MBNL1: variants seen among roughly 807,000 people sequenced by gnomAD.
MBNL1 encodes the protein muscleblind-like protein 1.
In MBNL1, 8 loss-of-function variants were observed where a neutral mutation model predicts 42.2. That is an observed-to-expected ratio of 0.19 (90% confidence interval 0.11 to 0.34). The LOEUF (loss-of-function observed/expected upper bound fraction) is 0.34, where lower values mean the gene tolerates loss of function less well. Among genes scored for constraint, MBNL1 ranks in the 10% least tolerant of loss-of-function variants. MBNL1 has a pLI of 1.00. For missense variants in MBNL1, 309 were observed against 495.3 expected (o/e 0.62, Z 3.57); for synonymous variants, 169 against 173.9 (o/e 0.97, Z 0.22).
chr3:152,416,480 A>G (rs1317449154), intron 3 of MBNL1, among the ~76,000 whole-genome samples: 1 of 152,244 alleles, frequency 6.6e-6, no homozygotes, highest in Non-Finnish European at 1.5e-5. Flanking sequence ...ATGTAGGACA[A>G]AAGTCTCATT....
chr3:152,426,166 G>T (rs1470006081), intron 3 of MBNL1, among the ~76,000 whole-genome samples: 3 of 151,678 alleles, frequency 2.0e-5, no homozygotes, highest in South Asian at 4.2e-4. Context: ...TGTGGGCACG[G>T]GGGGGGAACA....
At chr3:152,318,216 G>A (rs2073538294) in intron 2 of MBNL1, among the ~76,000 whole-genome samples, 1 of 152,156 alleles carries the variant, frequency 6.6e-6, no homozygotes, top group South Asian at 2.1e-4. Context: ...CTTAGTGACT[G>A]TTCTAGAGAA....
At chr3:152,459,371 T>C (rs751956967) in intron 9 of MBNL1, 26 bp downstream of exon 9, 1 of 1,340,388 alleles carries the variant, frequency 7.5e-7, no homozygotes. Context: ...AATATATAGT[T>C]GCATATTTGT....
At chr3:152,292,496 G>A (rs1577252704) in intron 1 of MBNL1, among the ~76,000 whole-genome samples, 2 of 152,144 alleles carry the variant, frequency 1.3e-5, no homozygotes, top group South Asian at 4.1e-4. Context: ...AGACTGCTTC[G>A]ACAGAGCTTA....
chr3:152,423,883 C>G (rs2098846645), intron 3 of MBNL1, among the ~76,000 whole-genome samples: 1 of 152,148 alleles, frequency 6.6e-6, no homozygotes, highest in East Asian at 1.9e-4. Flanking sequence ...AATTCAACAT[C>G]CCTTCATGCT....
chr3:152,446,532 C>T (rs2099229132), intron 5 of MBNL1, among the ~76,000 whole-genome samples: 2 of 151,876 alleles, frequency 1.3e-5, no homozygotes, highest in Non-Finnish European at 2.9e-5. Flanking sequence ...CATGCTTAGT[C>T]TTGTTATTCG....
At chr3:152,312,109 G>A (rs549271627) in intron 2 of MBNL1, among the ~76,000 whole-genome samples, 3 of 149,602 alleles carry the variant, frequency 2.0e-5, no homozygotes, top group African/African-American at 7.4e-5. Context: ...GGAGAATGGC[G>A]TGAACCCGGG....
chr3:152,269,503 C>A (rs1444480424), intron 1 of MBNL1: 9 of 455,186 alleles, frequency 2.0e-5, no homozygotes, highest in South Asian at 1.4e-4. Context: ...CGGCGGCTCC[C>A]GCATCCCTGG....
At chr3:152,301,082 T>C (rs2151537548) in intron 2 of MBNL1, 1 of 185,966 alleles carries the variant, frequency 5.4e-6, no homozygotes, top group Admixed American at 6.5e-5. Context: ...TAGATCATGA[T>C]TTTTTTTTAT....
At chr3:152,397,232 A>G (rs188024764) in intron 2 of MBNL1, among the ~76,000 whole-genome samples, 5 of 152,248 alleles carry the variant, frequency 3.3e-5, no homozygotes, top group Non-Finnish European at 2.9e-5. Context: ...TTATACTTTA[A>G]GTTCTGGGAT....
At chr3:152,326,626 A>T (rs2080308664) in intron 2 of MBNL1, among the ~76,000 whole-genome samples, 1 of 152,026 alleles carries the variant, frequency 6.6e-6, no homozygotes, top group African/African-American at 2.4e-5. Flanking sequence ...GTCAACTTCA[A>T]AACATAGTTT....
intron 3 of MBNL1, among the ~76,000 whole-genome samples, chr3:152,429,392 G>C (rs6781693): frequency 0.13 from 19,587 of 152,186 alleles, 1,531 homozygotes; most frequent in African/African-American, 0.22. Context: ...TGATGAGGAT[G>C]TTCATTGGCA....
intron 3 of MBNL1, among the ~76,000 whole-genome samples, chr3:152,425,857 TCA>T (rs1560545160): frequency 1.3e-5 from 2 of 152,060 alleles, no homozygotes; most frequent in Non-Finnish European, 2.9e-5. Flanking sequence ...GGGTATATAC[TCA>T]GTTTTGTAAA....
intron 6 of MBNL1, among the ~76,000 whole-genome samples, chr3:152,448,034 T>A (rs1452860358): frequency 1.3e-5 from 2 of 152,202 alleles, no homozygotes; most frequent in Non-Finnish European, 2.9e-5. Context: ...TGAAATATAG[T>A]TCTCTTTTTT....
chr3:152,278,157 TTTA>T (rs1445633972), intron 1 of MBNL1, among the ~76,000 whole-genome samples: 1 of 152,168 alleles, frequency 6.6e-6, no homozygotes, highest in Non-Finnish European at 1.5e-5. Flanking sequence ...CTTTGCCTTC[TTTA>T]TTATTCTGTC....
intron 3 of MBNL1, among the ~76,000 whole-genome samples, chr3:152,428,608 G>A (rs1174310212): frequency 5.3e-5 from 8 of 152,172 alleles, no homozygotes; most frequent in Non-Finnish European, 8.8e-5. Flanking sequence ...TATCCTTAGA[G>A]ACCTTACTTA....
chr3:152,369,981 T>C (rs2096589664), intron 2 of MBNL1, among the ~76,000 whole-genome samples: 1 of 152,178 alleles, frequency 6.6e-6, no homozygotes, highest in Non-Finnish European at 1.5e-5. Context: ...TCGTTGATTG[T>C]TTTTGGTTTT....
intron 2 of MBNL1, among the ~76,000 whole-genome samples, chr3:152,258,624 A>G (rs939790063): frequency 6.6e-6 from 1 of 152,204 alleles, no homozygotes; most frequent in Non-Finnish European, 1.5e-5. Context: ...TGCCAGTGGA[A>G]ACTAGCCCAT....
chr3:152,329,036 T>G (rs1278994309), intron 2 of MBNL1, among the ~76,000 whole-genome samples: 1 of 151,914 alleles, frequency 6.6e-6, no homozygotes, highest in Non-Finnish European at 1.5e-5. Context: ...GGGGAAAAAC[T>G]GACAGAGTAG....
Sources: gnomAD v4.1 joint callset for allele counts (sites outside exome capture counted in the v4.1 genomes callset) on GRCh38, gnomAD v4.1.1 for gene constraint, MANE v1.5 for transcripts, NCBI Gene and HGNC (gene_info 2026-07-23, HGNC 2026-07-21) for gene names.